The following SRGAP3 variants were observed in gnomAD, a reference collection of about 807,000 sequenced individuals.
The protein encoded by SRGAP3 is SLIT-ROBO Rho GTPase activating protein 3.
A neutral mutation model predicts 121.1 loss-of-function variants in SRGAP3; 39 were observed. The ratio of observed to expected loss-of-function variants is 0.32; its 90% CI spans 0.25 to 0.42. SRGAP3 has a LOEUF of 0.42. Among genes scored for constraint, SRGAP3 ranks in the 10% least tolerant of loss-of-function variants. SRGAP3 has a pLI of 1.00. For synonymous variants in SRGAP3, 601 were observed against 570.0 expected (o/e 1.05, Z -0.77); for missense variants, 1,213 against 1,470.6 (o/e 0.82, Z 2.86).
intron 1 of SRGAP3, among the ~76,000 whole-genome samples, chr3:9,359,230 T>C (rs2030671576): frequency 6.6e-6 from 1 of 152,332 alleles, no homozygotes; most frequent in South Asian, 2.1e-4. Flanking sequence ...TCAGGTACAT[T>C]CTTGGTCTTC....
intron 3 of SRGAP3, among the ~76,000 whole-genome samples, chr3:9,300,312 C>A (rs1338678243): frequency 6.7e-6 from 1 of 149,358 alleles, no homozygotes; most frequent in African/African-American, 2.5e-5. Flanking sequence ...CAAAACTTCA[C>A]ACTTCACAAC....
chr3:9,270,285 G>A (rs1445244828), intron 3 of SRGAP3, among the ~76,000 whole-genome samples: 1 of 152,158 alleles, frequency 6.6e-6, no homozygotes, highest in Non-Finnish European at 1.5e-5. Flanking sequence ...ATTATGGAAA[G>A]AAAAAAGTCA....
At chr3:9,174,823 C>G (rs1321310077) in intron 1 of SRGAP3, among the ~76,000 whole-genome samples, 1 of 152,196 alleles carries the variant, frequency 6.6e-6, no homozygotes, top group Admixed American at 6.5e-5. Context: ...AATCAGTACT[C>G]GCAGCTGACA....
At chr3:9,149,842 G>A (rs1950155096) in intron 1 of SRGAP3, among the ~76,000 whole-genome samples, 2 of 152,214 alleles carry the variant, frequency 1.3e-5, no homozygotes, top group African/African-American at 2.4e-5. Flanking sequence ...TTCTACGGCA[G>A]TAGCTAACAG....
intron 1 of SRGAP3, among the ~76,000 whole-genome samples, chr3:9,150,787 G>C (rs1259387408): frequency 6.6e-6 from 1 of 152,226 alleles, no homozygotes; most frequent in Non-Finnish European, 1.5e-5. Flanking sequence ...GAGGCTGTGT[G>C]TTGTGGCATT....
chr3:9,078,185 T>C (rs1308090279), intron 4 of SRGAP3, among the ~76,000 whole-genome samples: 2 of 151,914 alleles, frequency 1.3e-5, no homozygotes, highest in South Asian at 2.1e-4. Context: ...GGGAAGGTAT[T>C]TGGTGTAAAT....
chr3:9,223,592 C>A (rs1361688888), intron 1 of SRGAP3, among the ~76,000 whole-genome samples: 1 of 152,206 alleles, frequency 6.6e-6, no homozygotes, highest in Non-Finnish European at 1.5e-5. Flanking sequence ...TCCAACTCCA[C>A]CTGCATCACG....
At chr3:9,344,194 C>T (rs541429730) in intron 1 of SRGAP3, among the ~76,000 whole-genome samples, 19 of 152,182 alleles carry the variant, frequency 1.2e-4, no homozygotes, top group Non-Finnish European at 2.4e-4. Context: ...GTGGCTCACG[C>T]CTGTAATCCC....
intron 2 of SRGAP3, among the ~76,000 whole-genome samples, chr3:9,105,277 C>G (rs1356235638): frequency 6.6e-6 from 1 of 152,238 alleles, no homozygotes; most frequent in Non-Finnish European, 1.5e-5. Flanking sequence ...TTTTCTTGGG[C>G]TCTTAACTTC....
intron 1 of SRGAP3, 54 bp downstream of exon 1, chr3:9,248,831 C>G: frequency 1.3e-6 from 2 of 1,575,712 alleles, no homozygotes; most frequent in Non-Finnish European, 1.7e-6. Context: ...GGAACCAGAA[C>G]AAGAGAAAAA....
At chr3:9,284,100 C>A (rs1409014682) in intron 3 of SRGAP3, among the ~76,000 whole-genome samples, 1 of 151,750 alleles carries the variant, frequency 6.6e-6, no homozygotes, top group East Asian at 1.9e-4. Flanking sequence ...TTGTATGTCA[C>A]TCATTCTCCC....
chr3:9,278,836 G>T (rs190736164), intron 3 of SRGAP3, among the ~76,000 whole-genome samples: 1 of 152,266 alleles, frequency 6.6e-6, no homozygotes, highest in East Asian at 1.9e-4. Context: ...TCTGACTCAG[G>T]TATCTGGACT....
At chr3:9,083,124 C>T (rs1947314603) in intron 3 of SRGAP3, among the ~76,000 whole-genome samples, 2 of 152,166 alleles carry the variant, frequency 1.3e-5, no homozygotes, top group Non-Finnish European at 2.9e-5. Context: ...CAATCAGTGC[C>T]TCAGTTTCCC....
At chr3:9,291,113 C>T (rs1259127348) in intron 3 of SRGAP3, among the ~76,000 whole-genome samples, 3 of 152,118 alleles carry the variant, frequency 2.0e-5, no homozygotes, top group Non-Finnish European at 2.9e-5. Context: ...AAAATTCCCC[C>T]CTGAATAACT....
At chr3:9,046,074 A>G (rs1282664397) in intron 10 of SRGAP3, among the ~76,000 whole-genome samples, 2 of 152,130 alleles carry the variant, frequency 1.3e-5, no homozygotes, top group Admixed American at 6.5e-5. Flanking sequence ...TTAGAGGGAA[A>G]GAATGAAGAA....
rs745599938 is a variant in SRGAP3 at position 8,985,629 on chromosome 3, C to T, written c.3190G>A (p.Val1064Ile). ...CTGCTGCTGCTGGACCGGTGCTGGA[C>T]CACCGGCCGCACGGGCCGCATGGGG... ...PPPMRPVRPV[V>I]QHRSSSSSSS... Residue 1064 changes from valine (V) to isoleucine (I), a missense_variant, in exon 22 of 22, where the codon GTC (valine) becomes ATC (isoleucine). Around this residue, in one of 2 missense-constraint regions of SRGAP3, gnomAD observed 420 missense variants for 437.7 expected, o/e 0.96. Coordinates refer to ENST00000383836, the MANE Select transcript of SRGAP3 (RefSeq NM_014850.4). The surrounding 1 kb of genome is among the most constrained non-coding windows in gnomAD (Gnocchi z 5.1). 12 of 1,595,192 alleles carry T rather than the reference C, an allele frequency of 7.5e-6. No homozygotes were observed. Among genetic ancestry groups the T allele is most frequent in the Non-Finnish European group, 1.0e-5 (12 of 1,177,686 alleles).
chr3:9,255,613 G>A (rs112432138), intron 3 of SRGAP3, among the ~76,000 whole-genome samples: 32 of 152,278 alleles, frequency 2.1e-4, no homozygotes, highest in African/African-American at 6.0e-4. Context: ...GGCCAGGCCT[G>A]TAGAGTGGGC....
intron 1 of SRGAP3, among the ~76,000 whole-genome samples, chr3:9,126,622 TAACTAAC>T (rs1949242285): frequency 1.6e-5 from 1 of 61,478 alleles, no homozygotes; most frequent in East Asian, 6.7e-4. Flanking sequence ...TCTCAAAAAC[TAACTAAC>T]TAACTAACTA....
At chr3:9,318,612 T>A (rs911249376) in intron 3 of SRGAP3, among the ~76,000 whole-genome samples, 1 of 151,154 alleles carries the variant, frequency 6.6e-6, no homozygotes, top group African/African-American at 2.4e-5. Flanking sequence ...CCGTGGCTCA[T>A]ACCTGTAATC....
Sources: allele counts gnomAD v4.1 joint callset (sites outside exome capture counted in the v4.1 genomes callset), GRCh38; gene constraint gnomAD v4.1.1; regional missense constraint gnomAD v4.1.1; non-coding constraint Gnocchi (gnomAD v3.1); transcripts MANE v1.5; gene names NCBI Gene and HGNC (gene_info 2026-07-23, HGNC 2026-07-21).